The following LIMK2 variants were observed in gnomAD, a reference collection of about 807,000 sequenced individuals.
LIMK2 encodes LIM domain kinase 2.
A neutral mutation model predicts 75.7 loss-of-function variants in LIMK2; 35 were observed. That is an observed-to-expected ratio of 0.46 (90% CI 0.35 to 0.61). LIMK2 has a LOEUF of 0.61. LIMK2 is among the 20% of genes least tolerant of loss of function. The pLI, the probability that LIMK2 is intolerant of heterozygous loss-of-function variation, is 0.00. For missense variants in LIMK2, 623 were observed against 831.0 expected, an observed-to-expected ratio of 0.75 and a Z score of 3.08; for synonymous variants, 301 against 319.2, an observed-to-expected ratio of 0.94 and a Z score of 0.61.
At chr22:31,236,608 C>CAAAAA (rs929179978) in intron 2 of LIMK2, among the ~76,000 whole-genome samples, 1 of 91,056 alleles carries the variant, frequency 1.1e-5, no homozygotes, top group Non-Finnish European at 2.3e-5. Context: ...GACCCTATCT[C>CAAAAA]AAAAAAAAAA....
chr22:31,220,099 G>A (rs1161443613), intron 1 of LIMK2, among the ~76,000 whole-genome samples: 2 of 151,974 alleles, frequency 1.3e-5, no homozygotes, highest in Non-Finnish European at 2.9e-5. Context: ...TAGAATAAAG[G>A]TGGTAAGAGA....
At chr22:31,256,836 C>T (rs2048787483) in intron 2 of LIMK2, among the ~76,000 whole-genome samples, 1 of 151,994 alleles carries the variant, frequency 6.6e-6, no homozygotes, top group South Asian at 2.1e-4. Context: ...AGGTGCAAGG[C>T]CTTGACAACA....
chr22:31,278,303 A>G lies in LIMK2; in HGVS notation c.1779A>G (p.Ala593=). The G allele has an allele frequency of 6.2e-7, 1 of 1,612,048 alleles. No homozygotes were observed. Among genetic ancestry groups the G allele is most frequent in the African/African-American group, 1.3e-5 (1 of 74,948 alleles). The change falls in exon 16 of 16, where the codon GCA becomes GCG. Residue 593 remains alanine (A), a synonymous_variant. Coordinates refer to ENST00000331728, the MANE Select transcript of LIMK2 (RefSeq NM_005569.4). The part of the protein sequence containing the change: ...CCRLEPESRP[A]FSKLEDSFEA... The stretch of plus-strand genomic sequence containing the variant: ...TTACCTCTTTTCCTTCTAGACCAGC[A>G]TTCTCGAAATTGGAGGACTCCTTTG...
In LIMK2 at chr22:31,212,439, C is replaced by G; in HGVS notation, c.16+15C>G. 7.5e-7 allele frequency: 1 copy of G among 1,328,178 alleles called. No individual in the cohort carries two copies. Among genetic ancestry groups the G allele is most frequent in the Non-Finnish European group, 9.7e-7 (1 of 1,028,996 alleles). The allele number at this position is 1,328,178 out of a possible 1,614,324, so 82.3% of individuals were successfully genotyped here. On this transcript the variant is annotated intron_variant, in intron 1 of 15. Coordinates refer to ENST00000331728, the MANE Select transcript of LIMK2 (RefSeq NM_005569.4). Reference sequence around the variant, plus strand: ...CGCGCTGGCGGGTAAGGAAGGGCTGCTCCGCCCTGTCCCGCTGTTATCTCC... The same window carrying G: ...CGCGCTGGCGGGTAAGGAAGGGCTGGTCCGCCCTGTCCCGCTGTTATCTCC...
chr22:31,268,168 G>C lies in LIMK2; in HGVS notation c.1285G>C (p.Val429Leu). Residue 429 changes from valine (V) to leucine (L), a missense_variant, in exon 11 of 16, where the codon GTC becomes CTC. Val to Leu is a conservative substitution (Grantham distance 32, BLOSUM62 1). Transcript: ENST00000331728. ...GGATCCGTTCCCCTGGCAGCAGAAGGTCAGGTTTGCCAAAGGAATCGCCTC... is the reference window on the plus strand; with the variant it reads ...GGATCCGTTCCCCTGGCAGCAGAAGCTCAGGTTTGCCAAAGGAATCGCCTC... ...SMDPFPWQQK[V>L]RFAKGIASGM... 1.2e-6 allele frequency: 2 copies of C among 1,614,112 alleles called. No individual in the cohort carries two copies. The highest frequency in any genetic ancestry group is 2.2e-5 in the South Asian group (2 of 91,086).
At position 31,259,972 on chromosome 22, in the gene LIMK2, C is replaced by G. The variant is rs1487146641; in HGVS notation, c.446C>G (p.Ser149Cys). The change falls in exon 5 of 16, where the codon TCT becomes TGT. Residue 149 changes from serine to cysteine, a missense_variant. Around this residue, in one of 3 missense-constraint regions of LIMK2, gnomAD observed 514 missense variants for 661.3 expected, o/e 0.78. Transcript: ENST00000331728. The part of the protein sequence containing the change: ...TESVQEQLPY[S>C]VTLISMPATT... ...TCTGTTCAGGAGCAGCTGCCCTACT[C>G]TGTCACGCTCATCTCCATGCCGGCC... 1 of 1,612,012 alleles carries G rather than the reference C, an allele frequency of 6.2e-7. No individual in the cohort carries two copies. Among genetic ancestry groups the G allele is most frequent in the Non-Finnish European group, 8.5e-7 (1 of 1,179,616 alleles).
At chr22:31,257,107 G>T (rs1403039255) in intron 2 of LIMK2, among the ~76,000 whole-genome samples, 1 of 131,416 alleles carries the variant, frequency 7.6e-6, no homozygotes, top group Non-Finnish European at 1.6e-5. Flanking sequence ...GCCCAGGCTG[G>T]TCTTGAACTC....
Position 31,262,180 on chromosome 22 carries a change from CCTGGGG to C in LIMK2, c.599_604del (p.Pro200_Asp202delinsHis). ...TCCCAACAATCGAAACGCCATCCAC[CCTGGGG>C]ACCGCATCCTGGAGATCAATGGGAC... On this transcript the variant is annotated inframe_deletion, in exon 6 of 16. Transcript: ENST00000331728. The surrounding 1 kb of genome is among the most constrained non-coding windows in gnomAD (Gnocchi z 5.0). 1 of 1,614,228 alleles carries C rather than the reference CCTGGGG, an allele frequency of 6.2e-7. No individual in the cohort carries two copies. Among genetic ancestry groups the C allele is most frequent in the Non-Finnish European group, 8.5e-7 (1 of 1,180,022 alleles).
At chr22:31,277,046 T>A (rs751041597) in intron 15 of LIMK2, 5 of 1,613,846 alleles carry the variant, frequency 3.1e-6, no homozygotes, top group Admixed American at 3.3e-5. Flanking sequence ...AAGGAGCTGC[T>A]GGTTGACTGT....
chr22:31,267,708 G>C (rs2048910094), intron 9 of LIMK2, 68 bp from the exon 10 acceptor site: 4 of 1,512,982 alleles, frequency 2.6e-6, no homozygotes, highest in Non-Finnish European at 2.7e-6. Context: ...CTGATTCCTT[G>C]GAGGGAAGAG....
At chr22:31,216,336 G>A (rs572585025) in intron 1 of LIMK2, among the ~76,000 whole-genome samples, 9 of 152,176 alleles carry the variant, frequency 5.9e-5, no homozygotes, top group Non-Finnish European at 8.8e-5. Context: ...TAGCAAATAC[G>A]TGTGGTAGAG....
chr22:31,219,574 T>A (rs937229992), intron 1 of LIMK2, among the ~76,000 whole-genome samples: 6 of 152,052 alleles, frequency 3.9e-5, no homozygotes, highest in Non-Finnish European at 8.8e-5. Context: ...TTTTTTTTAT[T>A]TTATTTTATT....
At chr22:31,274,215 C>G (rs754446588) in intron 14 of LIMK2, among the ~76,000 whole-genome samples, 1 of 151,950 alleles carries the variant, frequency 6.6e-6, no homozygotes, top group Non-Finnish European at 1.5e-5. Flanking sequence ...AGCCCTGTGC[C>G]AGGTACCACG....
At position 31,262,156 on chromosome 22, in the gene LIMK2, C is replaced by A. The variant is rs2048846696; in HGVS notation, c.574C>A (p.Pro192Thr). 1.2e-6 allele frequency: 2 copies of A among 1,614,050 alleles called. No homozygotes were observed. The highest frequency in any genetic ancestry group is 1.7e-6 in the Non-Finnish European group (2 of 1,179,998). ...CAGGGTCAACCGGATGCACATCAGT[C>A]CCAACAATCGAAACGCCATCCACCC... Reference protein sequence around the residue: ...VKEVNRMHISPNNRNAIHPGD... With the variant: ...VKEVNRMHISTNNRNAIHPGD... The change falls in exon 6 of 16, where the codon CCC (proline) becomes ACC (threonine). Residue 192 changes from proline (P) to threonine (T), a missense_variant. Coordinates refer to ENST00000331728, the MANE Select transcript of LIMK2 (RefSeq NM_005569.4). This position sits in a 1 kb window ranked among gnomAD's most constrained non-coding sequence, Gnocchi z 5.0.
At chr22:31,267,113 G>T in intron 9 of LIMK2, 43 bp downstream of exon 9, 1 of 1,078,524 alleles carries the variant, frequency 9.3e-7, no homozygotes, top group Non-Finnish European at 1.4e-6. Flanking sequence ...GTCACCATTG[G>T]AAGAGAGAAG....
intron 2 of LIMK2, among the ~76,000 whole-genome samples, chr22:31,249,917 C>CT (rs2048708700): frequency 6.6e-6 from 1 of 152,146 alleles, no homozygotes; most frequent in Non-Finnish European, 1.5e-5. Context: ...TCTCAACAGC[C>CT]TAAAGAGATT....
At chr22:31,276,821 G>T (rs1326259035) in intron 15 of LIMK2, 18 of 1,611,642 alleles carry the variant, frequency 1.1e-5, no homozygotes, top group Non-Finnish European at 1.4e-5. Context: ...GAGGGCCCGG[G>T]CTGCGCGGAT....
At chr22:31,276,955 G>A (rs1190438173) in intron 15 of LIMK2, 3 of 1,613,808 alleles carry the variant, frequency 1.9e-6, no homozygotes, top group Non-Finnish European at 2.5e-6. Context: ...CGACTGCCAG[G>A]AAGAGGAGAT....
intron 1 of LIMK2, 52 bp downstream of exon 1, chr22:31,212,476 C>G: frequency 7.6e-7 from 1 of 1,313,438 alleles, no homozygotes; most frequent in Non-Finnish European, 9.8e-7. Context: ...AAGTCCGGTT[C>G]CATGGCGCCT....
Sources: gnomAD v4.1 joint callset for allele counts (sites outside exome capture counted in the v4.1 genomes callset) on GRCh38, gnomAD v4.1.1 for gene constraint, gnomAD v4.1.1 regional missense constraint, Gnocchi (gnomAD v3.1) non-coding constraint, MANE v1.5 for transcripts, NCBI Gene and HGNC (gene_info 2026-07-23, HGNC 2026-07-21) for gene names.